Variants in MTUS2 observed in about 807,000 individuals in gnomAD.
MTUS2 encodes the protein microtubule-associated tumor suppressor candidate 2.
A neutral mutation model predicts 114.1 loss-of-function variants in MTUS2; 40 were observed. That is an observed-to-expected ratio of 0.35 (90% CI 0.27 to 0.46). The LOEUF (loss-of-function observed/expected upper bound fraction) is 0.46, where lower values mean the gene tolerates loss of function less well. Among genes scored for constraint, MTUS2 ranks in the 20% least tolerant of loss-of-function variants. The probability of loss-of-function intolerance (pLI) is 1.00; values close to 1 mark genes in which losing one functional copy is unlikely to be tolerated. For synonymous variants in MTUS2, 688 were observed against 672.0 expected (o/e 1.02, Z -0.37); for missense variants, 1,679 against 1,705.4 (o/e 0.98, Z 0.27).
rs150832778 is a variant in MTUS2, at chr13:28,859,601, A to G, written c.-243+19751A>G. 3.7e-3 allele frequency among the ~76,000 whole-genome samples: 557 copies of G among 152,206 alleles called. 6 individuals carry two copies. Among genetic ancestry groups the G allele is most frequent in the Middle Eastern group, 0.014 (4 of 294 alleles). ...CTTTGCAGAACTCAGTGTCGTGTAG[A>G]GTAGAAGTATCCATTATTAGACTTA... On this transcript the variant is annotated intron_variant, in intron 2 of 15. Transcript: ENST00000612955.
intron 8 of MTUS2, among the ~76,000 whole-genome samples, chr13:29,411,517 A>C (rs976574455): frequency 6.6e-6 from 1 of 152,196 alleles, no homozygotes; most frequent in East Asian, 1.9e-4. Context: ...GACCCTCTGC[A>C]TAAATGTTCC....
intron 5 of MTUS2, among the ~76,000 whole-genome samples, chr13:29,151,370 G>T (rs574795783): frequency 6.6e-6 from 1 of 152,004 alleles, no homozygotes; most frequent in Non-Finnish European, 1.5e-5. Context: ...AAATACCACC[G>T]GTTTTTGTCT....
At chr13:29,042,679 T>C (rs1245085188) in intron 4 of MTUS2, among the ~76,000 whole-genome samples, 5 of 152,108 alleles carry the variant, frequency 3.3e-5, no homozygotes, top group African/African-American at 1.2e-4. Context: ...TTAATTTCAT[T>C]GTGGTTTAAT....
chr13:29,054,016 C>A (rs1593426514), intron 4 of MTUS2, among the ~76,000 whole-genome samples: 1 of 152,178 alleles, frequency 6.6e-6, no homozygotes, highest in Admixed American at 6.5e-5. Flanking sequence ...GTTTTCCTAT[C>A]TTACAGTCCC....
rs1886606078 is a variant in MTUS2, at chr13:29,027,387, C to CT, written c.2205+487dup. On this transcript the variant is annotated intron_variant, in intron 3 of 15. Coordinates refer to ENST00000612955, the MANE Select transcript of MTUS2 (RefSeq NM_001033602.4). The stretch of plus-strand genomic sequence containing the variant: ...GAAAACGGTGTGTTAGGCATGGACT[C>CT]TTTCTTTAAAATAAAAGTAATAATT... Among the ~76,000 whole-genome samples the CT allele has an allele frequency of 2.6e-5, 4 of 152,152 alleles. No homozygotes were observed. In the South Asian group the frequency reaches 8.3e-4, roughly 32 times the overall value.
At chr13:29,074,424 T>G (rs1889090222) in intron 4 of MTUS2, among the ~76,000 whole-genome samples, 1 of 152,216 alleles carries the variant, frequency 6.6e-6, no homozygotes, top group Admixed American at 6.5e-5. Flanking sequence ...GTCATTTTTC[T>G]GCACATGTGT....
intron 5 of MTUS2, among the ~76,000 whole-genome samples, chr13:29,174,867 A>G (rs1315652140): frequency 6.6e-6 from 1 of 152,198 alleles, no homozygotes; most frequent in Non-Finnish European, 1.5e-5. Flanking sequence ...AAGTTTAACT[A>G]TTTGCAGAGT....
chr13:28,867,366 A>G (rs894700571), intron 2 of MTUS2, among the ~76,000 whole-genome samples: 1 of 152,206 alleles, frequency 6.6e-6, no homozygotes, highest in African/African-American at 2.4e-5. Flanking sequence ...ATTATAAGAA[A>G]AAATATGGAG....
At chr13:29,109,979 G>T (rs2138858702) in intron 5 of MTUS2, among the ~76,000 whole-genome samples, 1 of 152,316 alleles carries the variant, frequency 6.6e-6, no homozygotes, top group South Asian at 2.1e-4. Context: ...GAAAGTGGAG[G>T]TTGATCATTT....
chr13:28,879,459 G>C (rs185903555), intron 2 of MTUS2, among the ~76,000 whole-genome samples: 19 of 151,948 alleles, frequency 1.3e-4, no homozygotes, highest in Non-Finnish European at 2.2e-4. Context: ...AGGGCCTGGT[G>C]GGGGGGCTCC....
chr13:29,234,650 G>A (rs1896463233), intron 5 of MTUS2, among the ~76,000 whole-genome samples: 1 of 152,012 alleles, frequency 6.6e-6, no homozygotes, highest in Non-Finnish European at 1.5e-5. Context: ...TGCTGTTTCT[G>A]TCACCTGCTG....
chr13:28,985,850 G>T (rs946795394), intron 2 of MTUS2, among the ~76,000 whole-genome samples: 1 of 152,192 alleles, frequency 6.6e-6, no homozygotes, highest in Non-Finnish European at 1.5e-5. Context: ...TCCTGAGCAA[G>T]AGGGAAGTCT....
In MTUS2 at chr13:29,049,688, C is replaced by T. The variant is rs150066538; in HGVS notation, c.2446+15563C>T. ...CCTACAGAGCAGGAGGCTCGCCCTG[C>T]AGGCCGGGACTGGGAATCCCACGTT... On this transcript the variant is annotated intron_variant, in intron 4 of 15. Coordinates refer to ENST00000612955, the MANE Select transcript of MTUS2 (RefSeq NM_001033602.4). Among the ~76,000 whole-genome samples the T allele has an allele frequency of 1.1e-4, 16 of 152,298 alleles. No homozygotes were observed. In the East Asian group the frequency reaches 3.1e-3, roughly 29 times the overall value.
intron 4 of MTUS2, among the ~76,000 whole-genome samples, chr13:29,098,883 G>A (rs562135898): frequency 2.0e-5 from 3 of 152,184 alleles, no homozygotes; most frequent in Non-Finnish European, 2.9e-5. Context: ...CTCCTCACTC[G>A]ATTTTGCATA....
chr13:29,123,355 AATTTTC>A (rs1251202762), intron 5 of MTUS2, among the ~76,000 whole-genome samples: 1 of 152,008 alleles, frequency 6.6e-6, no homozygotes, highest in East Asian at 1.9e-4. Flanking sequence ...CTGAGAATGT[AATTTTC>A]ATTTACATTT....
At chr13:29,116,966 G>A (rs766616388) in intron 5 of MTUS2, among the ~76,000 whole-genome samples, 1 of 152,174 alleles carries the variant, frequency 6.6e-6, no homozygotes, top group Non-Finnish European at 1.5e-5. Context: ...GGGGACTACT[G>A]TACTAATTTC....
At chr13:29,491,138 GTA>G (rs980634051) in intron 11 of MTUS2, among the ~76,000 whole-genome samples, 1 of 150,264 alleles carries the variant, frequency 6.7e-6, no homozygotes, top group African/African-American at 2.4e-5. Context: ...GCATGTGTGT[GTA>G]TATGTGTGGT....
intron 4 of MTUS2, among the ~76,000 whole-genome samples, chr13:29,057,068 G>A (rs7332330): frequency 0.58 from 87,987 of 151,890 alleles, 25,863 homozygotes; most frequent in South Asian, 0.73. Context: ...TTTACCTAGA[G>A]GTCATTCAGG....
Position 28,881,198 on chromosome 13 carries a change from T to C in MTUS2, c.-243+41348T>C, listed in dbSNP as rs147800393. ...ATGTCCATGTGTACTTACTGTTTAG[T>C]TCCCACTTGTAAGTGAGAACATGCG... is the stretch of plus-strand genomic sequence containing the variant. On this transcript the variant is annotated intron_variant, in intron 2 of 15. Transcript: ENST00000612955. 3.6e-3 allele frequency among the ~76,000 whole-genome samples: 547 copies of C among 152,334 alleles called. 5 individuals are homozygous for C. The highest frequency in any genetic ancestry group is 0.013 in the African/African-American group (537 of 41,570).
Sources: allele counts gnomAD v4.1 joint callset (sites outside exome capture counted in the v4.1 genomes callset), GRCh38; gene constraint gnomAD v4.1.1; transcripts MANE v1.5; gene names NCBI Gene and HGNC (gene_info 2026-07-23, HGNC 2026-07-21).